The following MIPOL1 variants were observed in gnomAD, a reference collection of about 807,000 sequenced individuals.
MIPOL1 encodes mirror-image polydactyly gene 1 protein.
A neutral mutation model predicts 60.9 loss-of-function variants in MIPOL1; 57 were observed. The observed-to-expected ratio is 0.94, with a 90% CI of 0.76 to 1.17. The LOEUF (loss-of-function observed/expected upper bound fraction) is 1.17, where lower values mean the gene tolerates loss of function less well. Ranked by LOEUF, MIPOL1 falls within the 50% of genes most tolerant of loss-of-function variation. The pLI, the probability that MIPOL1 is intolerant of heterozygous loss-of-function variation, is 0.00. For missense variants in MIPOL1, 551 were observed against 511.6 expected, an observed-to-expected ratio of 1.08 and a Z score of -0.74; for synonymous variants, 179 against 168.8, an observed-to-expected ratio of 1.06 and a Z score of -0.47.
intron 12 of MIPOL1, among the ~76,000 whole-genome samples, chr14:37,532,155 A>G (rs1479571028): frequency 2.0e-5 from 3 of 152,178 alleles, no homozygotes; most frequent in South Asian, 2.1e-4. Flanking sequence ...ATTTATATAA[A>G]TTGTTAACAG....
intron 9 of MIPOL1, among the ~76,000 whole-genome samples, chr14:37,319,384 G>T (rs576931178): frequency 9.9e-4 from 150 of 152,180 alleles, no homozygotes; most frequent in African/African-American, 3.5e-3. Flanking sequence ...TTCATTTGGG[G>T]ACTTTAAGCA....
At chr14:37,298,107 A>T (rs1457222834) in intron 7 of MIPOL1, among the ~76,000 whole-genome samples, 3 of 152,242 alleles carry the variant, frequency 2.0e-5, no homozygotes, top group Non-Finnish European at 4.4e-5. Context: ...ACAGAGATAT[A>T]GACCAATGGA....
intron 3 of MIPOL1, among the ~76,000 whole-genome samples, chr14:37,256,822 AT>A (rs201127493): frequency 4.0e-5 from 6 of 151,810 alleles, no homozygotes; most frequent in Non-Finnish European, 8.8e-5. Context: ...ACCCTTTATT[AT>A]TTTTTTAAAA....
intron 6 of MIPOL1, 116 bp downstream of exon 6, chr14:37,270,641 C>CTT (rs66866056): frequency 0.091 from 19,288 of 211,142 alleles, 1,798 homozygotes; most frequent in African/African-American, 0.31. Context: ...GGAAGCTCTC[C>CTT]TTTTTTTTTT....
chr14:37,413,384 T>A (rs2093710516), intron 10 of MIPOL1, among the ~76,000 whole-genome samples: 1 of 152,318 alleles, frequency 6.6e-6, no homozygotes, highest in South Asian at 2.1e-4. Flanking sequence ...AAGCTATCCA[T>A]GTTCCTTGGC....
chr14:37,203,102 GC>G (rs1367865970), intron 1 of MIPOL1, among the ~76,000 whole-genome samples: 1 of 152,122 alleles, frequency 6.6e-6, no homozygotes, highest in Non-Finnish European at 1.5e-5. Context: ...ATCAATTGTA[GC>G]TGCTTTTGTC....
chr14:37,302,062 A>G (rs1183592787), intron 7 of MIPOL1, among the ~76,000 whole-genome samples: 3 of 136,490 alleles, frequency 2.2e-5, no homozygotes, highest in African/African-American at 5.4e-5. Flanking sequence ...TGTTCTAAGT[A>G]TTCACATACA....
At chr14:37,356,078 G>C (rs1393892400) in intron 9 of MIPOL1, among the ~76,000 whole-genome samples, 2 of 148,206 alleles carry the variant, frequency 1.3e-5, no homozygotes, top group Non-Finnish European at 3.0e-5. Flanking sequence ...TGTACAGATG[G>C]GTTTTTGGTG....
At chr14:37,330,702 T>C (rs1160169950) in intron 9 of MIPOL1, among the ~76,000 whole-genome samples, 1 of 81,492 alleles carries the variant, frequency 1.2e-5, no homozygotes, top group Non-Finnish European at 2.3e-5. Context: ...TGTTTTTGTG[T>C]CCTCTTCATT....
chr14:37,241,588 G>A (rs1446087723), intron 1 of MIPOL1, among the ~76,000 whole-genome samples: 2 of 149,854 alleles, frequency 1.3e-5, no homozygotes, highest in African/African-American at 4.9e-5. Flanking sequence ...GTGAGGGGGT[G>A]GGGGTGGGGA....
intron 9 of MIPOL1, among the ~76,000 whole-genome samples, chr14:37,323,213 C>T (rs1433916494): frequency 6.6e-6 from 1 of 152,124 alleles, no homozygotes; most frequent in Non-Finnish European, 1.5e-5. Flanking sequence ...GTTTTCCCAA[C>T]ACCATTTATT....
At chr14:37,293,934 GTC>G (rs1162528094) in intron 7 of MIPOL1, among the ~76,000 whole-genome samples, 3 of 152,190 alleles carry the variant, frequency 2.0e-5, no homozygotes, top group Non-Finnish European at 2.9e-5. Context: ...ACTTTGAAGA[GTC>G]TGTCTGATAG....
intron 11 of MIPOL1, among the ~76,000 whole-genome samples, chr14:37,485,829 A>G (rs2094938321): frequency 6.6e-6 from 1 of 152,088 alleles, no homozygotes; most frequent in African/African-American, 2.4e-5. Flanking sequence ...GAAGCTCTTT[A>G]GTTCAATTAG....
chr14:37,226,405 A>G (rs1455565756), intron 1 of MIPOL1, among the ~76,000 whole-genome samples: 1 of 152,198 alleles, frequency 6.6e-6, no homozygotes, highest in African/African-American at 2.4e-5. Flanking sequence ...CCTCACAATC[A>G]TGGTAGAAGA....
chr14:37,513,042 A>G (rs1210696954), intron 12 of MIPOL1, among the ~76,000 whole-genome samples: 5 of 152,120 alleles, frequency 3.3e-5, no homozygotes, highest in Admixed American at 6.5e-5. Flanking sequence ...ATCTAATTAG[A>G]GATAGCTTTA....
In MIPOL1 at chr14:37,291,990, A is replaced by G. The variant is rs138426503; in HGVS notation, c.623+6543A>G. ...ACCCAGGCTGGAGTGCAATGGTGCAATCTCGGCACACTGCAAGCTCCACCT... is the reference window on the plus strand; with the variant it reads ...ACCCAGGCTGGAGTGCAATGGTGCAGTCTCGGCACACTGCAAGCTCCACCT... On this transcript the variant is annotated intron_variant, in intron 7 of 12. Transcript: ENST00000684589. Among the ~76,000 whole-genome samples, 439 of 141,626 alleles carry G rather than the reference A, an allele frequency of 3.1e-3. 2 individuals are homozygous for G. Among genetic ancestry groups the G allele is most frequent in the African/African-American group, 0.01 (374 of 36,836 alleles). The allele number at this position is 141,626 out of a possible 152,430, so 92.9% of individuals were successfully genotyped here.
At chr14:37,528,668 A>G (rs952632512) in intron 12 of MIPOL1, among the ~76,000 whole-genome samples, 2 of 152,216 alleles carry the variant, frequency 1.3e-5, no homozygotes, top group Non-Finnish European at 2.9e-5. Flanking sequence ...CCATAAAGAT[A>G]TATAGTAATA....
intron 12 of MIPOL1, chr14:37,505,370 C>G (rs1019953005): frequency 6.6e-6 from 1 of 152,210 alleles, no homozygotes; most frequent in Admixed American, 6.5e-5. Flanking sequence ...ATACTGGCAA[C>G]CCAAATCCAG....
At chr14:37,211,785 C>T (rs528217636) in intron 1 of MIPOL1, among the ~76,000 whole-genome samples, 3 of 151,946 alleles carry the variant, frequency 2.0e-5, no homozygotes, top group African/African-American at 7.3e-5. Flanking sequence ...TAACCCCAGG[C>T]TGCGTAGCTC....
Sources: allele counts gnomAD v4.1 joint callset (sites outside exome capture counted in the v4.1 genomes callset), GRCh38; gene constraint gnomAD v4.1.1; transcripts MANE v1.5; gene names NCBI Gene and HGNC (gene_info 2026-07-23, HGNC 2026-07-21).